Variants in MAP3K5 observed in about 807,000 individuals in gnomAD.
The protein encoded by MAP3K5 is ASK-1.
Under a neutral mutation model 158.7 loss-of-function variants are expected in MAP3K5, and 56 were observed. That is an observed-to-expected ratio of 0.35 (90% CI 0.28 to 0.44). MAP3K5 has a LOEUF of 0.44. Among genes scored for constraint, MAP3K5 ranks in the 20% least tolerant of loss-of-function variants. MAP3K5 has a pLI of 1.00. For missense variants in MAP3K5, 1,294 were observed against 1,674.8 expected, an observed-to-expected ratio of 0.77 and a Z score of 3.97; for synonymous variants, 579 against 601.7, an observed-to-expected ratio of 0.96 and a Z score of 0.55.
At chr6:136,619,333 G>T (rs1776702947) in intron 15 of MAP3K5, among the ~76,000 whole-genome samples, 1 of 152,202 alleles carries the variant, frequency 6.6e-6, no homozygotes, top group African/African-American at 2.4e-5. Context: ...ATGGCCTTGT[G>T]ATTCAAAGTA....
chr6:136,657,553 A>G (rs1013821720), intron 9 of MAP3K5, among the ~76,000 whole-genome samples: 5 of 152,242 alleles, frequency 3.3e-5, no homozygotes, highest in African/African-American at 1.2e-4. Flanking sequence ...TGCTGCACAC[A>G]GTGCTGTGGG....
chr6:136,560,992 T>TAAAAA (rs1382306810), intron 28 of MAP3K5, among the ~76,000 whole-genome samples: 244 of 151,136 alleles, frequency 1.6e-3, no homozygotes, highest in Non-Finnish European at 1.4e-3. Flanking sequence ...TAAAATAAAA[T>TAAAAA]AAAAATTAAC....
intron 1 of MAP3K5, among the ~76,000 whole-genome samples, chr6:136,769,010 T>C (rs760361478): frequency 1.3e-5 from 2 of 152,090 alleles, no homozygotes; most frequent in Non-Finnish European, 2.9e-5. Flanking sequence ...CCTAGATATA[T>C]ACTTAAGCAA....
intron 12 of MAP3K5, among the ~76,000 whole-genome samples, chr6:136,641,170 C>T (rs1041952062): frequency 6.6e-6 from 1 of 152,092 alleles, no homozygotes; most frequent in Non-Finnish European, 1.5e-5. Context: ...GAGAAAGTAT[C>T]GACTGAAAGA....
chr6:136,695,142 AGTTT>A (rs561173006), intron 6 of MAP3K5, among the ~76,000 whole-genome samples: 13 of 151,990 alleles, frequency 8.6e-5, no homozygotes, highest in South Asian at 2.1e-4. Flanking sequence ...AAATATATTT[AGTTT>A]GTTTGTTTGG....
chr6:136,739,621 GTAGT>G (rs1384314758), intron 1 of MAP3K5, among the ~76,000 whole-genome samples: 5 of 152,276 alleles, frequency 3.3e-5, no homozygotes, highest in African/African-American at 9.6e-5. Flanking sequence ...AAAAAAGTCT[GTAGT>G]TAAAGAGCAT....
At chr6:136,766,781 A>T (rs1186230619) in intron 1 of MAP3K5, among the ~76,000 whole-genome samples, 3 of 152,214 alleles carry the variant, frequency 2.0e-5, no homozygotes, top group Non-Finnish European at 4.4e-5. Context: ...ATGCTAAACT[A>T]TGCACCCTGG....
At chr6:136,644,808 C>T (rs142319139) in intron 11 of MAP3K5, among the ~76,000 whole-genome samples, 7 of 152,226 alleles carry the variant, frequency 4.6e-5, no homozygotes, top group Middle Eastern at 3.4e-3. Context: ...AGGGCTTGGC[C>T]CTCCTCCCCG....
chr6:136,693,225 T>C (rs1562618667), intron 7 of MAP3K5, among the ~76,000 whole-genome samples: 1 of 152,230 alleles, frequency 6.6e-6, no homozygotes, highest in African/African-American at 2.4e-5. Context: ...GACTCATGTA[T>C]ATCTTAGTCT....
intron 1 of MAP3K5, among the ~76,000 whole-genome samples, chr6:136,783,542 A>C (rs1784708685): frequency 6.6e-6 from 1 of 152,138 alleles, no homozygotes; most frequent in African/African-American, 2.4e-5. Flanking sequence ...TCTTCTGATA[A>C]CCACATAGCT....
At chr6:136,744,485 C>G (rs1782848977) in intron 1 of MAP3K5, among the ~76,000 whole-genome samples, 2 of 151,990 alleles carry the variant, frequency 1.3e-5, no homozygotes, top group African/African-American at 2.4e-5. Flanking sequence ...TTGACAGAAG[C>G]CAAAGAACTC....
At chr6:136,572,629 T>C (rs1276760330) in intron 25 of MAP3K5, among the ~76,000 whole-genome samples, 1 of 152,258 alleles carries the variant, frequency 6.6e-6, no homozygotes, top group Non-Finnish European at 1.5e-5. Context: ...AATCCTATTA[T>C]ATTTAAATAT....
intron 25 of MAP3K5, chr6:136,579,866 TG>T (rs1261208999): frequency 2.2e-6 from 1 of 456,674 alleles, no homozygotes; most frequent in East Asian, 6.9e-5. Flanking sequence ...TGGCTTCAGA[TG>T]GGGCTTTGAA....
chr6:136,688,899 T>A (rs1423964163), intron 7 of MAP3K5, among the ~76,000 whole-genome samples: 1 of 152,138 alleles, frequency 6.6e-6, no homozygotes, highest in African/African-American at 2.4e-5. Context: ...TTCTCAAATA[T>A]CTGATTCTAA....
At chr6:136,598,534 T>C (rs1313170955) in intron 21 of MAP3K5, among the ~76,000 whole-genome samples, 1 of 152,244 alleles carries the variant, frequency 6.6e-6, no homozygotes, top group African/African-American at 2.4e-5. Context: ...GTACAATTAA[T>C]ATTTAAGCTG....
chr6:136,667,871 C>G (rs781696774), intron 8 of MAP3K5, among the ~76,000 whole-genome samples: 57 of 151,828 alleles, frequency 3.8e-4, no homozygotes, highest in Non-Finnish European at 8.0e-4. Context: ...TTATTTCAAA[C>G]AGACCTTTAT....
chr6:136,706,866 G>A (rs565942692), intron 2 of MAP3K5, among the ~76,000 whole-genome samples: 27 of 152,364 alleles, frequency 1.8e-4, no homozygotes, highest in African/African-American at 6.5e-4. Flanking sequence ...CACTAAAAAT[G>A]CCTGGTGCCG....
chr6:136,643,080 T>C (rs1353558704), intron 11 of MAP3K5, among the ~76,000 whole-genome samples: 2 of 152,220 alleles, frequency 1.3e-5, no homozygotes, highest in Admixed American at 6.5e-5. Context: ...CACACATGTG[T>C]ACAGTGCCCA....
At chr6:136,588,539 A>G (rs1775239845) in intron 23 of MAP3K5, among the ~76,000 whole-genome samples, 1 of 152,194 alleles carries the variant, frequency 6.6e-6, no homozygotes, top group Non-Finnish European at 1.5e-5. Flanking sequence ...TAGAATGTCA[A>G]CTTCAAGGGG....
Sources: allele counts gnomAD v4.1 joint callset (sites outside exome capture counted in the v4.1 genomes callset), GRCh38; gene constraint gnomAD v4.1.1; transcripts MANE v1.5; gene names NCBI Gene and HGNC (gene_info 2026-07-23, HGNC 2026-07-21).